DRC4: variants seen among roughly 807,000 people sequenced by gnomAD.
DRC4 encodes GAS-11.
chr16:90,022,868 G>A, the DRC4 span: 1 of 808,712 alleles, frequency 1.2e-6, no homozygotes, highest in Non-Finnish European at 1.7e-6. Flanking sequence ...GCTCTTGTGG[G>A]GGTCTCCGTG....
the DRC4 span, among the ~76,000 whole-genome samples, chr16:90,026,710 G>A: frequency 6.2e-4 from 95 of 152,068 alleles, no homozygotes; most frequent in Admixed American, 1.0e-3. Flanking sequence ...TGGAGACGGG[G>A]TCTCGTTCTA....
chr16:90,034,565 T>C, the DRC4 span, among the ~76,000 whole-genome samples: 3 of 152,104 alleles, frequency 2.0e-5, no homozygotes, highest in African/African-American at 7.2e-5. Flanking sequence ...GAGGTTGCGG[T>C]GAGCCGAGAT....
At chr16:90,036,987 C>T in the DRC4 span, 2 of 572,082 alleles carry the variant, frequency 3.5e-6, no homozygotes, top group Non-Finnish European at 6.2e-6. Context: ...AGACAACGGC[C>T]CTTGGTGGAA....
the DRC4 span, chr16:90,042,245 G>A: frequency 5.1e-6 from 3 of 591,724 alleles, no homozygotes; most frequent in East Asian, 7.2e-5. Context: ...CTGGACTGTT[G>A]CTGGAGAGGC....
the DRC4 span, among the ~76,000 whole-genome samples, chr16:90,041,193 GC>G: frequency 3.1e-4 from 47 of 152,366 alleles, no homozygotes; most frequent in South Asian, 8.3e-4. Flanking sequence ...TTGCAGCTGC[GC>G]CCACGCGCCA....
At chr16:90,028,468 A>G in the DRC4 span, among the ~76,000 whole-genome samples, 12 of 152,178 alleles carry the variant, frequency 7.9e-5, no homozygotes, top group African/African-American at 2.4e-4. Flanking sequence ...GATTACAGGC[A>G]TGAGCCACCA....
chr16:90,029,282 C>G, the DRC4 span: 1 of 1,366,518 alleles, frequency 7.3e-7, no homozygotes. Flanking sequence ...AGGGTCCAGG[C>G]AGGTGGGGAG....
the DRC4 span, chr16:90,031,213 C>T: frequency 6.3e-7 from 1 of 1,588,562 alleles, no homozygotes; most frequent in Non-Finnish European, 8.5e-7. Context: ...CTCCCTCTTT[C>T]TTCCTTGCCT....
the DRC4 span, chr16:90,042,612 G>GAC: frequency 8.0e-7 from 1 of 1,242,868 alleles, no homozygotes; most frequent in Non-Finnish European, 1.2e-6. Context: ...GGTCTCTGAG[G>GAC]ACCCCACCTG....
the DRC4 span, among the ~76,000 whole-genome samples, chr16:90,024,349 G>C: frequency 6.6e-6 from 1 of 152,150 alleles, no homozygotes; most frequent in Admixed American, 6.6e-5. Flanking sequence ...AAAATCCAAA[G>C]GACTGAGCCC....
chr16:90,030,900 G>A, the DRC4 span, among the ~76,000 whole-genome samples: 19 of 152,210 alleles, frequency 1.2e-4, no homozygotes, highest in African/African-American at 4.6e-4. Context: ...TTGCAGGCGA[G>A]AGCCACCGCG....
the DRC4 span, chr16:90,037,773 C>T: frequency 1.2e-6 from 2 of 1,614,094 alleles, no homozygotes; most frequent in Non-Finnish European, 1.7e-6. Flanking sequence ...GCACAAAAGC[C>T]CGTTTGAAAG....
chr16:90,039,358 G>GTTAT, the DRC4 span, among the ~76,000 whole-genome samples: 1,308 of 146,480 alleles, frequency 8.9e-3, 11 homozygotes, highest in East Asian at 0.019. Flanking sequence ...GACCAAGGCA[G>GTTAT]TTATTTATTT....
the DRC4 span, chr16:90,042,963 C>CTG: frequency 1.3e-5 from 7 of 553,948 alleles, no homozygotes; most frequent in Non-Finnish European, 2.2e-5. Context: ...CCCTCTGCCT[C>CTG]CGTCTCGTCA....
chr16:90,035,723 A>G, the DRC4 span: 2 of 1,614,066 alleles, frequency 1.2e-6, no homozygotes, highest in African/African-American at 1.3e-5. Context: ...TAGGTGCCAG[A>G]GACACCCCCG....
chr16:90,023,239 G>T, the DRC4 span, among the ~76,000 whole-genome samples: 337 of 152,324 alleles, frequency 2.2e-3, 1 homozygote, highest in African/African-American at 7.9e-3. Context: ...GGCCCGGACA[G>T]GTCCAGTGCC....
chr16:90,038,174 G>A, the DRC4 span, among the ~76,000 whole-genome samples: 2 of 152,312 alleles, frequency 1.3e-5, no homozygotes, highest in South Asian at 4.1e-4. Flanking sequence ...TCGTCCCCTC[G>A]AGAGCTCACC....
At chr16:90,039,358 GTTATTTATTTATTTAT>G in the DRC4 span, among the ~76,000 whole-genome samples, 202 of 146,496 alleles carry the variant, frequency 1.4e-3, 1 homozygote, top group Non-Finnish European at 2.0e-3. Flanking sequence ...GACCAAGGCA[GTTATTTATTTATTTAT>G]TTATTTATTT....
the DRC4 span, among the ~76,000 whole-genome samples, chr16:90,038,684 C>A: frequency 2.0e-5 from 3 of 152,172 alleles, no homozygotes; most frequent in Non-Finnish European, 2.9e-5. Context: ...TCCATCCTCA[C>A]CTGCACCAGA....
Sources: gnomAD v4.1 joint callset for allele counts (sites outside exome capture counted in the v4.1 genomes callset) on GRCh38, gnomAD v4.1.1 for gene constraint, MANE v1.5 for transcripts, NCBI Gene and HGNC (gene_info 2026-07-23, HGNC 2026-07-21) for gene names.